Variants in PCDHGA1 observed in about 807,000 individuals in gnomAD.
PCDHGA1 encodes protocadherin gamma subfamily A, 1.
In PCDHGA1, 32 loss-of-function variants were observed where a neutral mutation model predicts 58.0. The ratio of observed to expected loss-of-function variants is 0.55; its 90% confidence interval spans 0.42 to 0.74. PCDHGA1 has a LOEUF of 0.74. Ranked by LOEUF, PCDHGA1 falls within the 30% of genes least tolerant of loss-of-function variation. The probability of loss-of-function intolerance (pLI) is 0.00; values close to 1 mark genes in which losing one functional copy is unlikely to be tolerated. For missense variants in PCDHGA1, 1,205 were observed against 1,182.3 expected (o/e 1.02, Z -0.28); for synonymous variants, 498 against 501.1 (o/e 0.99, Z 0.08).
intron 1 of PCDHGA1, chr5:141,422,556 G>A: frequency 6.2e-7 from 1 of 1,613,908 alleles, no homozygotes; most frequent in Non-Finnish European, 8.5e-7. Flanking sequence ...GGCTGAATGT[G>A]GCAGATGACA....
Position 141,346,419 on chromosome 5 carries a change from G to T in PCDHGA1, c.2421+13314G>T. The T allele has an allele frequency of 1.9e-6, 3 of 1,614,222 alleles. No homozygotes were observed. In the East Asian group the frequency reaches 6.7e-5, roughly 36 times the overall value. On this transcript the variant is annotated intron_variant, in intron 1 of 3. Coordinates refer to ENST00000517417, the MANE Select transcript of PCDHGA1 (RefSeq NM_018912.3). ...AAGCGAGCCTCTTCTGATAACTCAG[G>T]ATTTACTTGAAATGAAAGGAGATTC...
At position 141,485,122 on chromosome 5, in the gene PCDHGA1, G is replaced by A. The variant is rs1000179570; in HGVS notation, c.2422-9685G>A. The A allele has an allele frequency of 1.4e-6, 2 of 1,387,624 alleles. No individual in the cohort carries two copies. The highest frequency in any genetic ancestry group is 1.4e-5 in the African/African-American group (1 of 70,566). 86.0% of individuals were successfully genotyped at this position (1,387,624 alleles called of 1,614,324 possible). A position where few individuals can be genotyped will look rare whatever the true frequency, so the allele number is the denominator to read the frequency against. Reference sequence around the variant, plus strand: ...CAGCTGCTGTGGCTGTTTGGGGCGGGTCGGCTTCATCCGCGTCTCAGGAGC... The same window carrying A: ...CAGCTGCTGTGGCTGTTTGGGGCGGATCGGCTTCATCCGCGTCTCAGGAGC... On this transcript the variant is annotated intron_variant, in intron 1 of 3. Coordinates refer to ENST00000517417, the MANE Select transcript of PCDHGA1 (RefSeq NM_018912.3). The surrounding 1 kb of genome is among the most constrained non-coding windows in gnomAD (Gnocchi z 5.7).
At position 141,480,524 on chromosome 5, in the gene PCDHGA1, AAAG is replaced by A. The variant is rs1342230573; in HGVS notation, c.2422-14282_2422-14280del. Among the ~76,000 whole-genome samples, 4 of 127,792 alleles carry A rather than the reference AAAG, an allele frequency of 3.1e-5. No homozygotes were observed. The East Asian group carries it at 7.7e-4, about 25-fold the overall frequency. 83.8% of individuals were successfully genotyped at this position (127,792 alleles called of 152,430 possible). On this transcript the variant is annotated intron_variant, in intron 1 of 3. Transcript: ENST00000517417. Reference sequence around the variant, plus strand: ...ACATATGAGAACAACCAAAAATGACAAAGTAGAAGCACATATGAAAAGGCTAAG... The same window carrying A: ...ACATATGAGAACAACCAAAAATGACATAGAAGCACATATGAAAAGGCTAAG...
At position 141,423,462 on chromosome 5, in the gene PCDHGA1, C is replaced by A. The variant is rs371118964; in HGVS notation, c.2422-71345C>A. ...CCACGTCACATTTTGTAGGCGTGGA[C>A]GGGGTACAGGCTTTCCTGCAAACCT... On this transcript the variant is annotated intron_variant, in intron 1 of 3. Transcript: ENST00000517417. 8.1e-6 allele frequency: 13 copies of A among 1,613,808 alleles called. No homozygotes were observed. The African/African-American group carries it at 1.7e-4, about 22-fold the overall frequency.
At chr5:141,396,781 G>T (rs1270995904) in intron 1 of PCDHGA1, 1 of 152,204 alleles carries the variant, frequency 6.6e-6, no homozygotes, top group East Asian at 1.9e-4. Context: ...TTAATGAAAA[G>T]GACATTTCCT....
At position 141,431,176 on chromosome 5, in the gene PCDHGA1, A is replaced by G; in HGVS notation, c.2422-63631A>G. On this transcript the variant is annotated intron_variant, in intron 1 of 3. Coordinates refer to ENST00000517417, the MANE Select transcript of PCDHGA1 (RefSeq NM_018912.3). The surrounding 1 kb of genome is among the most constrained non-coding windows in gnomAD (Gnocchi z 4.8). Reference sequence around the variant, plus strand: ...CTTACTTTCGTGAAAGTGAATTAGAAATAAAAATTAGTGAAAATGCAGCCA... The same window carrying G: ...CTTACTTTCGTGAAAGTGAATTAGAGATAAAAATTAGTGAAAATGCAGCCA... The G allele has an allele frequency of 1.2e-6, 2 of 1,614,212 alleles. No individual in the cohort carries two copies. Among genetic ancestry groups the G allele is most frequent in the Non-Finnish European group, 1.7e-6 (2 of 1,180,032 alleles).
intron 1 of PCDHGA1, chr5:141,383,148 C>G (rs1326737910): frequency 6.2e-7 from 1 of 1,614,124 alleles, no homozygotes; most frequent in Non-Finnish European, 8.5e-7. Context: ...GCAGCGGCAG[C>G]TTGGTCACTG....
chr5:141,380,182 G>A (rs997433342), intron 1 of PCDHGA1, among the ~76,000 whole-genome samples: 1 of 152,142 alleles, frequency 6.6e-6, no homozygotes, highest in Non-Finnish European at 1.5e-5. Context: ...TTACAGGCAT[G>A]AGCCACTGAG....
intron 1 of PCDHGA1, among the ~76,000 whole-genome samples, chr5:141,462,029 G>A (rs535977332): frequency 6.6e-6 from 1 of 152,260 alleles, no homozygotes; most frequent in East Asian, 1.9e-4. Context: ...CTTCATGTTG[G>A]TCAGGCGGGT....
At position 141,432,612 on chromosome 5, in the gene PCDHGA1, C is replaced by A. The variant is rs752901891; in HGVS notation, c.2422-62195C>A. On this transcript the variant is annotated intron_variant, in intron 1 of 3. Transcript: ENST00000517417. This position sits in a 1 kb window ranked among gnomAD's most constrained non-coding sequence, Gnocchi z 6.0. ...AAGGCCAGCGAGCCGGGACTCTTCT[C>A]GGTGGGTCTGCACACGGGCGAGGTG... 1 of 1,613,912 alleles carries A rather than the reference C, an allele frequency of 6.2e-7. No individual in the cohort carries two copies. The highest frequency in any genetic ancestry group is 1.1e-5 in the South Asian group (1 of 91,062).
At chr5:141,363,876 G>T (rs566342740) in intron 1 of PCDHGA1, among the ~76,000 whole-genome samples, 1 of 152,224 alleles carries the variant, frequency 6.6e-6, no homozygotes, top group Admixed American at 6.5e-5. Flanking sequence ...GGTAAATAAA[G>T]GACATAGGCT....
Position 141,489,273 on chromosome 5 carries a change from G to GA in PCDHGA1, c.2422-5531dup. The GA allele has an allele frequency of 6.4e-7, 1 of 1,555,870 alleles. No individual in the cohort carries two copies. The highest frequency in any genetic ancestry group is 2.2e-5 in the East Asian group (1 of 44,466). On this transcript the variant is annotated intron_variant, in intron 1 of 3. Coordinates refer to ENST00000517417, the MANE Select transcript of PCDHGA1 (RefSeq NM_018912.3). The surrounding 1 kb of genome is among the most constrained non-coding windows in gnomAD (Gnocchi z 4.5). ...CCAAGACACTCCCACAGCTCGCTGG[G>GA]AAATGGCAAGTGCTGTGCATGTTGT...
chr5:141,433,767 G>T (rs1237334342), intron 1 of PCDHGA1, among the ~76,000 whole-genome samples: 1 of 151,532 alleles, frequency 6.6e-6, no homozygotes, highest in Non-Finnish European at 1.5e-5. Flanking sequence ...AACCTGGGAG[G>T]TGGAGGTTGC....
chr5:141,374,250 C>T lies in PCDHGA1; in HGVS notation c.2421+41145C>T, dbSNP rs533179881. The T allele has an allele frequency of 2.5e-6, 4 of 1,613,890 alleles. No homozygotes were observed. The African/African-American group carries it at 5.3e-5, about 22-fold the overall frequency. ...ATCGTCAAGGATCTGGGACTGGAGC[C>T]CCAGGAGTTGGCGGAGCACGGAGTC... On this transcript the variant is annotated intron_variant, in intron 1 of 3. Transcript: ENST00000517417.
In PCDHGA1 at chr5:141,489,094, G is replaced by T; in HGVS notation, c.2422-5713G>T. The T allele has an allele frequency of 1.5e-5, 6 of 395,994 alleles. No homozygotes were observed. The highest frequency in any genetic ancestry group is 4.1e-5 in the East Asian group (1 of 24,388). The allele number at this position is 395,994 out of a possible 1,614,324, so 24.5% of individuals were successfully genotyped here. ...CCCACCCCCGCCACTCGGTGACTAA[G>T]AACTGCTGCAAGCAGGCAAACCTCC... On this transcript the variant is annotated intron_variant, in intron 1 of 3. Coordinates refer to ENST00000517417, the MANE Select transcript of PCDHGA1 (RefSeq NM_018912.3). This position sits in a 1 kb window ranked among gnomAD's most constrained non-coding sequence, Gnocchi z 4.5.
At chr5:141,342,293 A>G (rs1198190605) in intron 1 of PCDHGA1, 1 of 152,212 alleles carries the variant, frequency 6.6e-6, no homozygotes, top group Non-Finnish European at 1.5e-5. Context: ...GCTGCTAGAA[A>G]TGTTCCCAAT....
chr5:141,361,612 G>A (rs1485952478), intron 1 of PCDHGA1: 2 of 1,613,984 alleles, frequency 1.2e-6, no homozygotes, highest in Admixed American at 1.7e-5. Flanking sequence ...CTCCATCGTA[G>A]CGAGCGACCT....
intron 1 of PCDHGA1, among the ~76,000 whole-genome samples, chr5:141,450,815 A>ATTATTAT (rs1554136868): frequency 7.9e-6 from 1 of 126,684 alleles, no homozygotes; most frequent in African/African-American, 3.3e-5. Context: ...TATTTATTTA[A>ATTATTAT]TATTATTATT....
rs896394392 is a variant in PCDHGA1, at chr5:141,330,619, A to G, written c.-66A>G. On this transcript the variant is annotated 5_prime_UTR_variant, in exon 1 of 4. Transcript: ENST00000517417. ...TTCTCCTGAAAATTGGGTTAATTTCAGCTCAGAAAAGCAGAAACGATACCC... is the reference window on the plus strand; with the variant it reads ...TTCTCCTGAAAATTGGGTTAATTTCGGCTCAGAAAAGCAGAAACGATACCC... 4.9e-5 allele frequency: 73 copies of G among 1,487,530 alleles called. No individual in the cohort carries two copies. The East Asian group carries it at 1.7e-3, about 34-fold the overall frequency. 92.1% of individuals were successfully genotyped at this position (1,487,530 alleles called of 1,614,324 possible). A position where few individuals can be genotyped will look rare whatever the true frequency, so the allele number is the denominator to read the frequency against.
Sources: allele counts gnomAD v4.1 joint callset (sites outside exome capture counted in the v4.1 genomes callset), GRCh38; gene constraint gnomAD v4.1.1; non-coding constraint Gnocchi (gnomAD v3.1); transcripts MANE v1.5; gene names NCBI Gene and HGNC (gene_info 2026-07-23, HGNC 2026-07-21).